Variants in LARGE1 observed in about 807,000 individuals in gnomAD.
LARGE1 encodes LARGE xylosyl- and glucuronyltransferase 1, also known as xylosyl- and glucuronyltransferase LARGE1.
LARGE1 carries 43 observed loss-of-function variants against 87.6 expected under a neutral mutation model. The observed-to-expected ratio is 0.49, with a 90% CI of 0.38 to 0.63. The LOEUF (loss-of-function observed/expected upper bound fraction) is 0.63. LARGE1 is among the 30% of genes least tolerant of loss of function. The probability of loss-of-function intolerance (pLI) is 0.00; values close to 1 mark genes in which losing one functional copy is unlikely to be tolerated. For missense variants in LARGE1, 802 were observed against 1,000.2 expected (o/e 0.80, Z 2.67); for synonymous variants, 434 against 394.6 (o/e 1.10, Z -1.18).
At chr22:33,848,072 A>C (rs1283494720) in intron 1 of LARGE1, among the ~76,000 whole-genome samples, 1 of 152,096 alleles carries the variant, frequency 6.6e-6, no homozygotes, top group African/African-American at 2.4e-5. Context: ...AAAAGCAGCT[A>C]CTCCCTATAG....
At chr22:33,905,288 C>T (rs2065412895) in intron 1 of LARGE1, among the ~76,000 whole-genome samples, 1 of 151,832 alleles carries the variant, frequency 6.6e-6, no homozygotes, top group South Asian at 2.1e-4. Flanking sequence ...GGGCTGGTCT[C>T]GAACTCTTAG....
At chr22:33,547,433 T>C (rs1273429535) in intron 6 of LARGE1, among the ~76,000 whole-genome samples, 1 of 152,190 alleles carries the variant, frequency 6.6e-6, no homozygotes, top group Admixed American at 6.5e-5. Context: ...GCTCGCCTGG[T>C]TCCTAACAGG....
chr22:33,871,399 T>C (rs1471647167), intron 1 of LARGE1, among the ~76,000 whole-genome samples: 1 of 152,096 alleles, frequency 6.6e-6, no homozygotes, highest in East Asian at 1.9e-4. Flanking sequence ...GTAAGGGGGA[T>C]ACAAAAGACA....
At chr22:33,471,677 T>C (rs1027371101) in intron 6 of LARGE1, among the ~76,000 whole-genome samples, 4 of 152,094 alleles carry the variant, frequency 2.6e-5, no homozygotes, top group Non-Finnish European at 5.9e-5. Context: ...CCTTAGCTCC[T>C]CCCCAGGTGC....
chr22:33,737,022 C>T (rs1170645035), intron 2 of LARGE1, among the ~76,000 whole-genome samples: 5 of 152,176 alleles, frequency 3.3e-5, no homozygotes, highest in African/African-American at 9.7e-5. Context: ...CTGACATGCA[C>T]GAAGACCTGG....
intron 2 of LARGE1, among the ~76,000 whole-genome samples, chr22:33,758,840 C>T (rs780003687): frequency 2.6e-5 from 4 of 152,170 alleles, no homozygotes; most frequent in Admixed American, 6.5e-5. Context: ...TCTCACCCAG[C>T]GTGTTTTAAG....
At chr22:33,630,129 G>A (rs1310099225) in intron 3 of LARGE1, among the ~76,000 whole-genome samples, 1 of 152,092 alleles carries the variant, frequency 6.6e-6, no homozygotes, top group South Asian at 2.1e-4. Context: ...AACCTGGGAG[G>A]CAGAGGTTGC....
intron 9 of LARGE1, among the ~76,000 whole-genome samples, chr22:33,369,154 T>C (rs570856204): frequency 6.6e-6 from 1 of 152,366 alleles, no homozygotes; most frequent in Admixed American, 6.5e-5. Context: ...TCTCAAATCC[T>C]GCCCCTGCTT....
At chr22:33,284,578 T>C (rs1318831161) in intron 12 of LARGE1, among the ~76,000 whole-genome samples, 3 of 151,694 alleles carry the variant, frequency 2.0e-5, no homozygotes, top group Non-Finnish European at 4.4e-5. Flanking sequence ...CCATATGGCA[T>C]GAGGCTTTTT....
At chr22:33,101,636 G>A in the LARGE1 span, among the ~76,000 whole-genome samples, 2 of 152,160 alleles carry the variant, frequency 1.3e-5, no homozygotes, top group Non-Finnish European at 2.9e-5. Flanking sequence ...AATAAATGAA[G>A]CAGATGTCTC....
At chr22:33,630,633 G>T (rs2080079944) in intron 3 of LARGE1, among the ~76,000 whole-genome samples, 1 of 152,158 alleles carries the variant, frequency 6.6e-6, no homozygotes, top group Non-Finnish European at 1.5e-5. Context: ...TACTCATCAT[G>T]ATTACAGTTC....
chr22:33,378,862 T>A (rs1303948314), intron 9 of LARGE1, among the ~76,000 whole-genome samples: 2 of 152,084 alleles, frequency 1.3e-5, no homozygotes, highest in African/African-American at 4.8e-5. Context: ...ATTCCTATGA[T>A]CCCCTCCTTG....
At chr22:33,550,790 A>G (rs1390136560) in intron 6 of LARGE1, among the ~76,000 whole-genome samples, 1 of 152,226 alleles carries the variant, frequency 6.6e-6, no homozygotes, top group African/African-American at 2.4e-5. Context: ...CATGAAATCA[A>G]CCGACGTGCC....
intron 11 of LARGE1, among the ~76,000 whole-genome samples, chr22:33,212,050 T>C (rs1268502270): frequency 6.6e-6 from 1 of 151,972 alleles, no homozygotes. Context: ...ACACCAAAAG[T>C]GCAAGGTGAA....
rs538212474 is a variant in LARGE1 at position 33,225,968 on chromosome 22, G to A, written c.1731-59136C>T. ...TCTTTATCCAGTCTACCATTGATGG[G>A]CATCTAGGTTGATTTCATGTCTTCA... On this transcript the variant is annotated intron_variant, in intron 11 of 11. Coordinates refer to the LARGE1 transcript ENST00000608642. Among the ~76,000 whole-genome samples, 11 of 152,284 alleles carry A rather than the reference G, an allele frequency of 7.2e-5. No homozygotes were observed. The East Asian group carries it at 1.9e-3, about 27-fold the overall frequency.
At chr22:33,518,771 A>C (rs2071427099) in intron 6 of LARGE1, among the ~76,000 whole-genome samples, 3 of 152,024 alleles carry the variant, frequency 2.0e-5, no homozygotes, top group Admixed American at 2.0e-4. Context: ...GTGTAACTGC[A>C]CCCCCTGAGG....
intron 2 of LARGE1, among the ~76,000 whole-genome samples, chr22:33,685,497 T>A (rs2081917705): frequency 6.6e-6 from 1 of 152,220 alleles, no homozygotes; most frequent in Non-Finnish European, 1.5e-5. Flanking sequence ...GATACAAGAA[T>A]AATGGCATCT....
chr22:33,416,123 C>T (rs982361284), intron 7 of LARGE1, among the ~76,000 whole-genome samples: 2 of 152,146 alleles, frequency 1.3e-5, no homozygotes, highest in African/African-American at 4.8e-5. Context: ...GAAAGTCAGA[C>T]CATAAAAACC....
intron 6 of LARGE1, among the ~76,000 whole-genome samples, chr22:33,465,151 G>C (rs766456692): frequency 6.6e-6 from 1 of 152,160 alleles, no homozygotes; most frequent in South Asian, 2.1e-4. Context: ...TACATGGCGC[G>C]ACATTGATGC....
Sources: gnomAD v4.1 joint callset for allele counts (sites outside exome capture counted in the v4.1 genomes callset) on GRCh38, gnomAD v4.1.1 for gene constraint, MANE v1.5 for transcripts, NCBI Gene and HGNC (gene_info 2026-07-23, HGNC 2026-07-21) for gene names.